NRG3: variants seen among roughly 807,000 people sequenced by gnomAD.
NRG3 encodes neuregulin 3.
In NRG3, 31 loss-of-function variants were observed where a neutral mutation model predicts 66.9. That is an observed-to-expected ratio of 0.46 (90% CI 0.35 to 0.63). The LOEUF (loss-of-function observed/expected upper bound fraction) is 0.63. NRG3 is among the 20% of genes least tolerant of loss of function. NRG3 has a pLI of 0.00. For missense variants in NRG3, 910 were observed against 878.9 expected, an observed-to-expected ratio of 1.04 and a Z score of -0.45; for synonymous variants, 393 against 359.4, an observed-to-expected ratio of 1.09 and a Z score of -1.06.
intron 1 of NRG3, among the ~76,000 whole-genome samples, chr10:82,080,114 G>A (rs1018658789): frequency 1.3e-5 from 2 of 152,006 alleles, no homozygotes; most frequent in East Asian, 3.9e-4. Flanking sequence ...ACTTTGCGTG[G>A]GCCTGAGTTC....
intron 1 of NRG3, among the ~76,000 whole-genome samples, chr10:82,200,718 C>T (rs1163137172): frequency 1.3e-5 from 2 of 152,104 alleles, no homozygotes; most frequent in East Asian, 1.9e-4. Flanking sequence ...TGTTACTCTC[C>T]GAAGGCCTTT....
intron 2 of NRG3, among the ~76,000 whole-genome samples, chr10:82,454,160 A>G (rs1409634516): frequency 6.6e-6 from 1 of 152,194 alleles, no homozygotes; most frequent in Non-Finnish European, 1.5e-5. Flanking sequence ...AGTCATCTAT[A>G]TATTAGACTT....
chr10:82,513,425 A>AT (rs1271807754), intron 2 of NRG3, among the ~76,000 whole-genome samples: 1 of 152,232 alleles, frequency 6.6e-6, no homozygotes, highest in Middle Eastern at 3.2e-3. Context: ...ATATGCGTGC[A>AT]TGTATCTGTA....
At chr10:82,563,391 T>A (rs534201844) in intron 2 of NRG3, among the ~76,000 whole-genome samples, 1 of 152,130 alleles carries the variant, frequency 6.6e-6, no homozygotes, top group Non-Finnish European at 1.5e-5. Flanking sequence ...AAGAATGTTA[T>A]TAATTTTGCA....
intron 1 of NRG3, among the ~76,000 whole-genome samples, chr10:81,979,633 T>C (rs2060260054): frequency 6.6e-6 from 1 of 152,188 alleles, no homozygotes; most frequent in African/African-American, 2.4e-5. Flanking sequence ...TACATCCAAA[T>C]GTTTTGATAG....
At chr10:82,942,125 G>A (rs1848629276) in intron 4 of NRG3, among the ~76,000 whole-genome samples, 2 of 152,016 alleles carry the variant, frequency 1.3e-5, no homozygotes, top group Admixed American at 6.6e-5. Context: ...CAAAGGAAAT[G>A]TTCTCAAGAA....
chr10:82,794,115 C>A (rs1227692176), intron 3 of NRG3, among the ~76,000 whole-genome samples: 2 of 152,106 alleles, frequency 1.3e-5, no homozygotes, highest in African/African-American at 2.4e-5. Flanking sequence ...CTCTGATTTT[C>A]TATTTTTCTC....
chr10:82,871,627 A>G (rs895421281), intron 4 of NRG3, among the ~76,000 whole-genome samples: 3 of 152,000 alleles, frequency 2.0e-5, no homozygotes, highest in African/African-American at 7.2e-5. Flanking sequence ...ATTTGTATAC[A>G]TCTTTTATTT....
intron 1 of NRG3, among the ~76,000 whole-genome samples, chr10:82,278,039 A>C (rs1287625520): frequency 2.0e-5 from 3 of 152,120 alleles, no homozygotes; most frequent in Non-Finnish European, 4.4e-5. Context: ...AGGCCAAAGA[A>C]GGAGGAGGTG....
rs1336073460 is a variant in NRG3 at position 82,979,035 on chromosome 10, A to T, written c.1498A>T (p.Ser500Cys). 1 of 1,613,998 alleles carries T rather than the reference A, an allele frequency of 6.2e-7. No individual in the cohort carries two copies. Among genetic ancestry groups the T allele is most frequent in the Non-Finnish European group, 8.5e-7 (1 of 1,179,992 alleles). Reference sequence around the variant, plus strand: ...CAGAAGGACACCCCCGTCACCCCGAAGTAGGCTAGGTGGAATTGTGGGACC... The same window carrying T: ...CAGAAGGACACCCCCGTCACCCCGATGTAGGCTAGGTGGAATTGTGGGACC... ...AFRRTPPSPRSRLGGIVGPAY... is the reference protein window; with the variant it reads ...AFRRTPPSPRCRLGGIVGPAY... The change falls in exon 8 of 9, where the codon AGT becomes TGT. Residue 500 changes from serine to cysteine, a missense_variant. Transcript: ENST00000372141.
chr10:82,236,589 A>T (rs1243346149), intron 1 of NRG3, among the ~76,000 whole-genome samples: 1 of 151,826 alleles, frequency 6.6e-6, no homozygotes, highest in Non-Finnish European at 1.5e-5. Context: ...TACTCAGTCC[A>T]CTTCTCACTT....
rs375689315 is a variant in NRG3 at position 82,506,350 on chromosome 10, T to A, written c.953+147482T>A. Among the ~76,000 whole-genome samples, 21 of 152,328 alleles carry A rather than the reference T, an allele frequency of 1.4e-4. No homozygotes were observed. In the East Asian group the frequency reaches 4.1e-3, roughly 29 times the overall value. On this transcript the variant is annotated intron_variant, in intron 2 of 8. Transcript: ENST00000372141. ...CAGACAAGGTACTCCAACTTTTCCT[T>A]TGATTCCTTATAAGTAATTTCTTCC...
intron 1 of NRG3, among the ~76,000 whole-genome samples, chr10:82,216,038 G>A (rs2075656886): frequency 7.2e-6 from 1 of 138,258 alleles, no homozygotes; most frequent in Non-Finnish European, 1.5e-5. Flanking sequence ...CGCGATCTCG[G>A]CTCACTGCAA....
intron 2 of NRG3, among the ~76,000 whole-genome samples, chr10:82,497,978 G>T (rs1843768970): frequency 6.6e-6 from 1 of 152,176 alleles, no homozygotes; most frequent in South Asian, 2.1e-4. Flanking sequence ...GCATATCTCT[G>T]CTGACTAGTG....
At chr10:82,745,337 A>G (rs943172529) in intron 3 of NRG3, among the ~76,000 whole-genome samples, 1 of 152,146 alleles carries the variant, frequency 6.6e-6, no homozygotes, top group Non-Finnish European at 1.5e-5. Context: ...AATAAATTAG[A>G]TAGAGGAAAA....
intron 6 of NRG3, among the ~76,000 whole-genome samples, chr10:82,971,930 A>G (rs957667500): frequency 2.8e-4 from 43 of 152,168 alleles, no homozygotes; most frequent in Non-Finnish European, 4.4e-5. Flanking sequence ...ATTGCAGGGT[A>G]TATCTTTACC....
intron 2 of NRG3, among the ~76,000 whole-genome samples, chr10:82,470,189 T>C (rs1841115592): frequency 1.3e-5 from 2 of 152,170 alleles, no homozygotes; most frequent in Admixed American, 1.3e-4. Context: ...TCTAAACAGA[T>C]CTCTATTTAT....
intron 2 of NRG3, among the ~76,000 whole-genome samples, chr10:82,595,403 G>T (rs2133347534): frequency 6.6e-6 from 1 of 152,278 alleles, no homozygotes; most frequent in South Asian, 2.1e-4. Flanking sequence ...TTGATACTTA[G>T]TCTTTTAGCT....
intron 1 of NRG3, among the ~76,000 whole-genome samples, chr10:82,234,914 TG>T: frequency 6.6e-6 from 1 of 152,378 alleles, no homozygotes; most frequent in African/African-American, 2.4e-5. Flanking sequence ...GCCTTGTTAC[TG>T]TGTAATCGGG....
Sources: gnomAD v4.1 joint callset for allele counts (sites outside exome capture counted in the v4.1 genomes callset) on GRCh38, gnomAD v4.1.1 for gene constraint, MANE v1.5 for transcripts, NCBI Gene and HGNC (gene_info 2026-07-23, HGNC 2026-07-21) for gene names.